C8A: variants seen among roughly 807,000 people sequenced by gnomAD.
C8A encodes complement C8 alpha chain.
A neutral mutation model predicts 65.3 loss-of-function variants in C8A; 67 were observed. The observed-to-expected ratio is 1.03, with a 90% CI of 0.84 to 1.26. The LOEUF is 1.26. C8A is among the 50% of genes most tolerant of loss of function. The pLI is 0.00. For missense variants in C8A, 781 were observed against 723.9 expected, an observed-to-expected ratio of 1.08 and a Z score of -0.90; for synonymous variants, 290 against 259.4, an observed-to-expected ratio of 1.12 and a Z score of -1.13.
rs540798705 is a variant in C8A, at chr1:56,897,420, C to G, written c.1097-9247C>G. 2.9e-4 allele frequency among the ~76,000 whole-genome samples: 44 copies of G among 152,310 alleles called. 1 individual carries two copies. In the South Asian group the frequency reaches 3.9e-3, roughly 14 times the overall value. Reference sequence around the variant, plus strand: ...CAGGGATGGCAAGTGGTCTTAATAGCAAATGCTACCTAGACTGCTGAGTTG... The same window carrying G: ...CAGGGATGGCAAGTGGTCTTAATAGGAAATGCTACCTAGACTGCTGAGTTG... On this transcript the variant is annotated intron_variant, in intron 7 of 10. Coordinates refer to ENST00000361249, the MANE Select transcript of C8A (RefSeq NM_000562.3).
intron 1 of C8A, among the ~76,000 whole-genome samples, chr1:56,864,751 G>A (rs1644068264): frequency 6.6e-6 from 1 of 152,126 alleles, no homozygotes; most frequent in African/African-American, 2.4e-5. Context: ...AGGGATGGGA[G>A]GGCTTGTGCC....
chr1:56,893,102 T>C (rs1256034815), intron 7 of C8A, among the ~76,000 whole-genome samples: 2 of 151,976 alleles, frequency 1.3e-5, no homozygotes, highest in Non-Finnish European at 1.5e-5. Context: ...CCCTGAGATA[T>C]CTTTTTTTTT....
At chr1:56,861,810 G>A (rs900411698) in intron 1 of C8A, among the ~76,000 whole-genome samples, 3 of 152,200 alleles carry the variant, frequency 2.0e-5, no homozygotes, top group African/African-American at 7.2e-5. Flanking sequence ...GTGATAATCA[G>A]ATTTTAATAC....
chr1:56,900,657 C>A (rs1644419860), intron 7 of C8A, among the ~76,000 whole-genome samples: 1 of 150,930 alleles, frequency 6.6e-6, no homozygotes, highest in African/African-American at 2.4e-5. Context: ...ATTAATCTAG[C>A]ATGAGATATT....
chr1:56,874,082 T>C (rs1386473991), intron 2 of C8A, among the ~76,000 whole-genome samples: 1 of 152,148 alleles, frequency 6.6e-6, no homozygotes, highest in Non-Finnish European at 1.5e-5. Flanking sequence ...TCTCTCTCTA[T>C]CTCTTGGATG....
chr1:56,891,101 G>T (rs564256877), intron 7 of C8A, among the ~76,000 whole-genome samples: 1 of 152,208 alleles, frequency 6.6e-6, no homozygotes, highest in Admixed American at 6.6e-5. Flanking sequence ...GTAACTTCAG[G>T]GGGTGAGGGA....
chr1:56,891,556 T>TGTCCA (rs2101262162), intron 7 of C8A, among the ~76,000 whole-genome samples: 1 of 152,282 alleles, frequency 6.6e-6, no homozygotes, highest in East Asian at 1.9e-4. Flanking sequence ...GCATTGCTGA[T>TGTCCA]GTCCAGGTGA....
intron 9 of C8A, among the ~76,000 whole-genome samples, chr1:56,911,046 T>C (rs1019204639): frequency 2.8e-5 from 4 of 145,018 alleles, no homozygotes; most frequent in African/African-American, 1.0e-4. Context: ...CACATATGCA[T>C]GCAATTTGAA....
intron 10 of C8A, 77 bp from the exon 11 acceptor site, chr1:56,917,488 C>T: frequency 3.3e-6 from 5 of 1,504,212 alleles, no homozygotes; most frequent in Non-Finnish European, 4.6e-6. Flanking sequence ...ACACACCCCT[C>T]CCTGTTCATC....
chr1:56,896,747 G>A (rs915561940), intron 7 of C8A, among the ~76,000 whole-genome samples: 1 of 152,230 alleles, frequency 6.6e-6, no homozygotes, highest in Non-Finnish European at 1.5e-5. Context: ...GCTGGAAGCA[G>A]ATGTCAATAA....
intron 2 of C8A, among the ~76,000 whole-genome samples, chr1:56,868,722 C>A (rs558526979): frequency 4.6e-5 from 7 of 152,290 alleles, no homozygotes; most frequent in Admixed American, 1.3e-4. Context: ...ATGCTCCCTT[C>A]CCCACTCGGC....
chr1:56,906,884 G>T, intron 8 of C8A, 92 bp downstream of exon 8: 1 of 1,499,930 alleles, frequency 6.7e-7, no homozygotes, highest in African/African-American at 1.4e-5. Flanking sequence ...TTTCCCAGTT[G>T]ATTGCATTTT....
At chr1:56,869,016 T>C (rs1238351700) in intron 2 of C8A, among the ~76,000 whole-genome samples, 1 of 152,192 alleles carries the variant, frequency 6.6e-6, no homozygotes, top group East Asian at 1.9e-4. Flanking sequence ...GTTTTCCTTC[T>C]TTTATTTTTT....
At chr1:56,885,329 A>ATAAATATATATTT (rs1557705508) in intron 6 of C8A, among the ~76,000 whole-genome samples, 22 of 124,288 alleles carry the variant, frequency 1.8e-4, no homozygotes, top group African/African-American at 5.3e-4. Context: ...TATTTATTTA[A>ATAAATATATATTT]ATATATATTT....
intron 6 of C8A, among the ~76,000 whole-genome samples, chr1:56,884,911 G>A (rs1451520380): frequency 6.6e-6 from 1 of 152,082 alleles, no homozygotes; most frequent in East Asian, 1.9e-4. Context: ...GTAGATCTTT[G>A]CTCAATAACT....
rs181964254 is a variant in C8A at position 56,869,059 on chromosome 1, G to A, written c.171+1357G>A. ...ATTTCAATAGTGTTTGGGAAACGTA[G>A]GTTTTGGTTACATGGATAAGTTCTT... On this transcript the variant is annotated intron_variant, in intron 2 of 10. Coordinates refer to ENST00000361249, the MANE Select transcript of C8A (RefSeq NM_000562.3). Among the ~76,000 whole-genome samples, 21 of 152,180 alleles carry A rather than the reference G, an allele frequency of 1.4e-4. No individual in the cohort carries two copies. In the East Asian group the frequency reaches 3.5e-3, roughly 25 times the overall value.
intron 3 of C8A, among the ~76,000 whole-genome samples, chr1:56,875,816 A>G (rs1364754203): frequency 1.3e-5 from 2 of 152,112 alleles, no homozygotes; most frequent in Non-Finnish European, 2.9e-5. Flanking sequence ...GCAGACTGGC[A>G]TTTTAGAAAG....
At chr1:56,860,780 G>A (rs749706312) in intron 1 of C8A, among the ~76,000 whole-genome samples, 13 of 152,272 alleles carry the variant, frequency 8.5e-5, no homozygotes, top group African/African-American at 1.9e-4. Flanking sequence ...AGCCAAGGAC[G>A]TGGATCTTAC....
chr1:56,887,817 G>T (rs1644312969), intron 7 of C8A, among the ~76,000 whole-genome samples: 1 of 152,150 alleles, frequency 6.6e-6, no homozygotes, highest in Non-Finnish European at 1.5e-5. Flanking sequence ...AAAAGGATGA[G>T]TTCATGTCCT....
Sources: gnomAD v4.1 joint callset for allele counts (sites outside exome capture counted in the v4.1 genomes callset) on GRCh38, gnomAD v4.1.1 for gene constraint, MANE v1.5 for transcripts, NCBI Gene and HGNC (gene_info 2026-07-23, HGNC 2026-07-21) for gene names.